The following DENND2B variants were observed in gnomAD, a reference collection of about 807,000 sequenced individuals.
DENND2B encodes DENN domain containing 2B.
Under a neutral mutation model 116.0 loss-of-function variants are expected in DENND2B, and 32 were observed. The ratio of observed to expected loss-of-function variants is 0.28; its 90% CI spans 0.21 to 0.37. The LOEUF is 0.37. Among genes scored for constraint, DENND2B ranks in the 10% least tolerant of loss-of-function variants. The pLI is 1.00. For synonymous variants in DENND2B, 588 were observed against 583.9 expected, an observed-to-expected ratio of 1.01 and a Z score of -0.10; for missense variants, 1,276 against 1,477.7, an observed-to-expected ratio of 0.86 and a Z score of 2.24.
intron 1 of DENND2B, among the ~76,000 whole-genome samples, chr11:8,758,164 C>T (rs1470666124): frequency 6.6e-6 from 1 of 152,202 alleles, no homozygotes; most frequent in African/African-American, 2.4e-5. Flanking sequence ...AGTGCAAAAA[C>T]TTGTGTCCCA....
intron 1 of DENND2B, among the ~76,000 whole-genome samples, chr11:8,904,461 C>A (rs933276444): frequency 2.6e-5 from 4 of 151,960 alleles, no homozygotes; most frequent in African/African-American, 9.7e-5. Context: ...TACAAAAAAA[C>A]AAATATCATA....
intron 2 of DENND2B, among the ~76,000 whole-genome samples, chr11:8,734,848 T>C (rs916052014): frequency 5.6e-5 from 8 of 141,634 alleles, no homozygotes; most frequent in East Asian, 4.2e-4. Context: ...CTGTGAGAAA[T>C]AGTACCTGTC....
At chr11:8,865,652 G>A (rs938810206) in intron 2 of DENND2B, among the ~76,000 whole-genome samples, 2 of 151,176 alleles carry the variant, frequency 1.3e-5, no homozygotes, top group African/African-American at 2.4e-5. Context: ...GTAAAAGTAG[G>A]AAACATTAAA....
At chr11:8,853,166 C>T (rs2063070336) in intron 3 of DENND2B, among the ~76,000 whole-genome samples, 2 of 152,062 alleles carry the variant, frequency 1.3e-5, no homozygotes, top group Admixed American at 1.3e-4. Flanking sequence ...AAGTTCGAGA[C>T]CGGCCTGGCC....
chr11:8,769,873 G>A (rs2056550450), intron 1 of DENND2B, among the ~76,000 whole-genome samples: 1 of 152,188 alleles, frequency 6.6e-6, no homozygotes, highest in Non-Finnish European at 1.5e-5. Context: ...GCTCATGACT[G>A]TAGTCTCAGC....
intron 3 of DENND2B, among the ~76,000 whole-genome samples, chr11:8,853,997 TGCCACCA>T (rs2063104190): frequency 1.5e-5 from 2 of 136,462 alleles, no homozygotes; most frequent in African/African-American, 2.7e-5. Flanking sequence ...TACAGGTGAA[TGCCACCA>T]TGCCCCAGTT....
chr11:8,701,687 C>A (rs1394313679), intron 14 of DENND2B, among the ~76,000 whole-genome samples: 1 of 152,138 alleles, frequency 6.6e-6, no homozygotes, highest in Non-Finnish European at 1.5e-5. Context: ...TGTGTCACCC[C>A]CTAACCACCA....
chr11:8,763,005 C>G (rs147186028), intron 1 of DENND2B, among the ~76,000 whole-genome samples: 1 of 152,110 alleles, frequency 6.6e-6, no homozygotes, highest in African/African-American at 2.4e-5. Context: ...ACCATCCAAC[C>G]AAGAACTCAT....
At chr11:8,897,151 G>A (rs1380082020) in intron 1 of DENND2B, among the ~76,000 whole-genome samples, 1 of 152,038 alleles carries the variant, frequency 6.6e-6, no homozygotes, top group Admixed American at 6.5e-5. Context: ...CAGCTACTCT[G>A]GAGGCTGAGG....
At chr11:8,825,483 G>T (rs922654453) in intron 4 of DENND2B, among the ~76,000 whole-genome samples, 1 of 151,854 alleles carries the variant, frequency 6.6e-6, no homozygotes, top group Admixed American at 6.6e-5. Flanking sequence ...TTCTGTTAAG[G>T]ATTTTTGCAT....
At chr11:8,695,881 T>C (rs1368348382) in intron 18 of DENND2B, 3 of 377,834 alleles carry the variant, frequency 7.9e-6, no homozygotes, top group African/African-American at 4.0e-5. Flanking sequence ...TCCAAAAAGG[T>C]TGTTATACTA....
chr11:8,810,644 G>GACC lies in DENND2B; in HGVS notation c.-156_-154dup, dbSNP rs2061307457. 6.6e-6 allele frequency: 1 copy of GACC among 152,308 alleles called. No homozygotes were observed. Among genetic ancestry groups the GACC allele is most frequent in the Non-Finnish European group, 1.5e-5 (1 of 68,090 alleles). 9.4% of individuals were successfully genotyped at this position (152,308 alleles called of 1,614,324 possible). On this transcript the variant is annotated 5_prime_UTR_variant, in exon 1 of 20. Transcript: ENST00000313726. ...CGAGCTTCCCACAGCTCCTTCCTCTGACCTTTCGTGGCGCTCCTCGCAGCC... is the reference window on the plus strand; with the variant it reads ...CGAGCTTCCCACAGCTCCTTCCTCTGACCACCTTTCGTGGCGCTCCTCGCAGCC...
At chr11:8,800,434 C>T (rs1002509463) in intron 1 of DENND2B, among the ~76,000 whole-genome samples, 2 of 152,206 alleles carry the variant, frequency 1.3e-5, no homozygotes, top group Non-Finnish European at 2.9e-5. Context: ...CCTGGTTCTA[C>T]AAGGAGCTAC....
chr11:8,710,755 ACACAC>A, intron 11 of DENND2B, 85 bp downstream of exon 11: 1 of 78,810 alleles, frequency 1.3e-5, no homozygotes, highest in African/African-American at 6.2e-5. Context: ...GCAGAAGGGC[ACACAC>A]ACACACACAC....
At position 8,730,602 on chromosome 11, in the gene DENND2B, T is replaced by C. The variant is rs762063480; in HGVS notation, c.688A>G (p.Arg230Gly). The change falls in exon 3 of 20, where the codon AGG (arginine) becomes GGG (glycine). Residue 230 changes from arginine to glycine, a missense_variant. Coordinates refer to ENST00000313726, the MANE Select transcript of DENND2B (RefSeq NM_213618.2). This position sits in a 1 kb window ranked among gnomAD's most constrained non-coding sequence, Gnocchi z 4.1. ...FDFKGLRRMS[R>G]TFSECSYPET... ...GGGTAGGAACACTCGGAGAAGGTCC[T>C]GCTCATCCTCCGGAGGCCCTTGAAA... is the stretch of plus-strand genomic sequence containing the variant. 4 of 1,613,000 alleles carry C rather than the reference T, an allele frequency of 2.5e-6. No individual in the cohort carries two copies. The African/African-American group carries it at 4.0e-5, about 16-fold the overall frequency.
chr11:8,767,219 G>A (rs556700603), intron 1 of DENND2B, among the ~76,000 whole-genome samples: 1 of 152,322 alleles, frequency 6.6e-6, no homozygotes, highest in South Asian at 2.1e-4. Context: ...TGACCAGGAT[G>A]GAGAGGGCAC....
At chr11:8,720,043 A>G (rs1016743386) in intron 4 of DENND2B, among the ~76,000 whole-genome samples, 4 of 152,136 alleles carry the variant, frequency 2.6e-5, no homozygotes, top group Non-Finnish European at 5.9e-5. Flanking sequence ...CTCCTTAGCT[A>G]TAACAGCCAA....
chr11:8,811,438 C>T (rs2061369005), upstream of DENND2B: 2 of 396,278 alleles, frequency 5.0e-6, no homozygotes, highest in Non-Finnish European at 8.9e-6. Flanking sequence ...ACAGCCTTGT[C>T]TCTCTGCCCT....
intron 1 of DENND2B, chr11:8,807,929 A>T (rs1164023228): frequency 6.6e-6 from 1 of 152,226 alleles, no homozygotes; most frequent in East Asian, 1.9e-4. Context: ...CCTACAGTAA[A>T]GCTGGGGCTG....
Sources: allele counts gnomAD v4.1 joint callset (sites outside exome capture counted in the v4.1 genomes callset), GRCh38; gene constraint gnomAD v4.1.1; non-coding constraint Gnocchi (gnomAD v3.1); transcripts MANE v1.5; gene names NCBI Gene and HGNC (gene_info 2026-07-23, HGNC 2026-07-21).